OPA1: variants seen among roughly 807,000 people sequenced by gnomAD.
The protein encoded by OPA1 is dynamin-like GTPase OPA1, mitochondrial.
Under a neutral mutation model 152.9 loss-of-function variants are expected in OPA1, and 59 were observed. That is an observed-to-expected ratio of 0.39 (90% CI 0.31 to 0.48). The LOEUF (loss-of-function observed/expected upper bound fraction) is 0.48, where lower values mean the gene tolerates loss of function less well. OPA1 is among the 20% of genes least tolerant of loss of function. The pLI is 0.96. For synonymous variants in OPA1, 400 were observed against 389.9 expected (o/e 1.03, Z -0.31); for missense variants, 1,008 against 1,216.8 (o/e 0.83, Z 2.55).
At chr3:193,642,041 G>A (rs369239625) in intron 11 of OPA1, among the ~76,000 whole-genome samples, 45 of 152,296 alleles carry the variant, frequency 3.0e-4, no homozygotes, top group African/African-American at 9.4e-4. Flanking sequence ...ACCTGAAACC[G>A]CGAAGTGGAG....
chr3:193,612,268 C>CTTTTTTTTTTT (rs34283831), intron 1 of OPA1, among the ~76,000 whole-genome samples: 1 of 116,364 alleles, frequency 8.6e-6, no homozygotes, highest in Non-Finnish European at 1.7e-5. Flanking sequence ...GTCTAACTTC[C>CTTTTTTTTTTT]TTTTTTTTTT....
At chr3:193,614,629 G>T (rs1728739184) in intron 1 of OPA1, 94 bp from the exon 2 acceptor site, 1 of 885,616 alleles carries the variant, frequency 1.1e-6, no homozygotes. Flanking sequence ...TCACGTATGG[G>T]GCTGTGTTTC....
At chr3:193,659,271 A>G (rs1433339482) in intron 24 of OPA1, among the ~76,000 whole-genome samples, 1 of 152,244 alleles carries the variant, frequency 6.6e-6, no homozygotes, top group Non-Finnish European at 1.5e-5. Flanking sequence ...TAGGAATTTT[A>G]TAAGCAATTA....
intron 11 of OPA1, among the ~76,000 whole-genome samples, chr3:193,639,443 G>A (rs1043793609): frequency 6.6e-6 from 1 of 152,162 alleles, no homozygotes; most frequent in East Asian, 1.9e-4. Flanking sequence ...AGAAAGTGAG[G>A]GAGTAGTCCT....
At chr3:193,619,179 A>G (rs1472127424) in intron 6 of OPA1, among the ~76,000 whole-genome samples, 2 of 152,220 alleles carry the variant, frequency 1.3e-5, no homozygotes, top group African/African-American at 4.8e-5. Flanking sequence ...GGTTGTCCCC[A>G]AGAAAGAGTT....
intron 7 of OPA1, chr3:193,628,436 A>C (rs1731519487): frequency 6.6e-6 from 1 of 152,218 alleles, no homozygotes. Context: ...ATGCCTTAAT[A>C]GGAAGAAATA....
chr3:193,628,021 A>G (rs1380171601), intron 7 of OPA1, among the ~76,000 whole-genome samples: 1 of 152,074 alleles, frequency 6.6e-6, no homozygotes, highest in Non-Finnish European at 1.5e-5. Context: ...ATCCCGAAAG[A>G]CTGTTACCTT....
chr3:193,599,884 A>G (rs1284290956), intron 1 of OPA1, among the ~76,000 whole-genome samples: 3 of 152,226 alleles, frequency 2.0e-5, no homozygotes, highest in Admixed American at 6.5e-5. Flanking sequence ...AGAAAAGGTA[A>G]AGTGACCTAC....
At chr3:193,664,552 T>C (rs193072903) in intron 26 of OPA1, among the ~76,000 whole-genome samples, 18 of 152,162 alleles carry the variant, frequency 1.2e-4, no homozygotes, top group East Asian at 1.2e-3. Flanking sequence ...TCTTTCTGCA[T>C]TGGTTTCCTC....
At chr3:193,669,581 A>G (rs1717468942) in intron 29 of OPA1, among the ~76,000 whole-genome samples, 2 of 152,198 alleles carry the variant, frequency 1.3e-5, no homozygotes, top group South Asian at 4.1e-4. Context: ...TCCCTGGTTC[A>G]TAATTTCATG....
At chr3:193,648,223 G>A in intron 20 of OPA1, 89 bp downstream of exon 20, 1 of 995,956 alleles carries the variant, frequency 1.0e-6, no homozygotes, top group Admixed American at 1.8e-5. Context: ...AATCTGATAA[G>A]CTAAAGTACT....
At chr3:193,631,933 A>G (rs1416769493) in intron 8 of OPA1, among the ~76,000 whole-genome samples, 1 of 152,216 alleles carries the variant, frequency 6.6e-6, no homozygotes, top group Non-Finnish European at 1.5e-5. Context: ...GTCCTTATAT[A>G]AACTTATGCT....
intron 29 of OPA1, among the ~76,000 whole-genome samples, chr3:193,680,577 G>A (rs934232630): frequency 6.6e-6 from 1 of 152,198 alleles, no homozygotes; most frequent in Non-Finnish European, 1.5e-5. Flanking sequence ...GGTGATAAAT[G>A]ATGCCTACCT....
chr3:193,648,958 G>T, intron 21 of OPA1, 87 bp downstream of exon 21: 1 of 992,616 alleles, frequency 1.0e-6, no homozygotes, highest in Non-Finnish European at 1.6e-6. Flanking sequence ...ATAAAGCAGT[G>T]ATTTATTGTT....
At chr3:193,602,128 G>A (rs1043919459) in intron 1 of OPA1, among the ~76,000 whole-genome samples, 4 of 152,214 alleles carry the variant, frequency 2.6e-5, no homozygotes, top group African/African-American at 9.7e-5. Flanking sequence ...AGGGAAAGCT[G>A]TCTGTAACCA....
At chr3:193,677,582 T>C (rs555442519) in intron 29 of OPA1, among the ~76,000 whole-genome samples, 9 of 152,210 alleles carry the variant, frequency 5.9e-5, no homozygotes, top group Non-Finnish European at 1.2e-4. Context: ...TCTTAAGGGA[T>C]TGGTGGATTG....
intron 29 of OPA1, among the ~76,000 whole-genome samples, chr3:193,671,863 AC>A (rs1211570225): frequency 1.3e-5 from 2 of 152,240 alleles, no homozygotes; most frequent in African/African-American, 4.8e-5. Context: ...ATCCCTGAAG[AC>A]GTTGAAACAC....
chr3:193,658,958 T>C lies in OPA1; in HGVS notation c.2403T>C (p.Tyr801=). Residue 801 remains tyrosine, a synonymous_variant, in exon 24 of 31, where the codon TAT becomes TAC. Coordinates refer to ENST00000361510, the MANE Select transcript of OPA1 (RefSeq NM_130837.3). ...AACAGCAATGGGATGCAGCTATTTA[T>C]TTTATGGAAGAGGCTCTGCAGGCTC... The part of the protein sequence containing the change: ...SDKQQWDAAI[Y]FMEEALQARL... The C allele has an allele frequency of 2.5e-6, 4 of 1,613,882 alleles. No individual in the cohort carries two copies. The highest frequency in any genetic ancestry group is 3.4e-6 in the Non-Finnish European group (4 of 1,179,816).
chr3:193,631,873 T>G lies in OPA1; in HGVS notation c.843+208T>G, dbSNP rs545013148. 59 of 593,114 alleles carry G rather than the reference T, an allele frequency of 9.9e-5. No individual in the cohort carries two copies. The African/African-American group carries it at 1.1e-3, about 11-fold the overall frequency. The allele number at this position is 593,114 out of a possible 1,614,324, so 36.7% of individuals were successfully genotyped here. A position where few individuals can be genotyped will look rare whatever the true frequency, so the allele number is the denominator to read the frequency against. ...AGTATGGAGTTAACTCATTTATATG[T>G]AAAAACCTATTTTGAGTGAATCTTA... On this transcript the variant is annotated intron_variant, in intron 8 of 30. Coordinates refer to ENST00000361510, the MANE Select transcript of OPA1 (RefSeq NM_130837.3).
Sources: allele counts gnomAD v4.1 joint callset (sites outside exome capture counted in the v4.1 genomes callset), GRCh38; gene constraint gnomAD v4.1.1; transcripts MANE v1.5; gene names NCBI Gene and HGNC (gene_info 2026-07-23, HGNC 2026-07-21).